Variants in PRKCA observed in about 807,000 individuals in gnomAD.
The protein encoded by PRKCA is protein kinase C alpha type.
Under a neutral mutation model 87.0 loss-of-function variants are expected in PRKCA, and 27 were observed. That is an observed-to-expected ratio of 0.31 (90% CI 0.23 to 0.43). PRKCA has a LOEUF of 0.43. Ranked by LOEUF, PRKCA falls within the 20% of genes least tolerant of loss-of-function variation. The probability of loss-of-function intolerance (pLI) is 1.00; values close to 1 mark genes in which losing one functional copy is unlikely to be tolerated. For synonymous variants in PRKCA, 329 were observed against 311.1 expected (o/e 1.06, Z -0.61); for missense variants, 518 against 852.3 (o/e 0.61, Z 4.88).
chr17:66,571,412 A>T (rs1969075010), intron 3 of PRKCA, among the ~76,000 whole-genome samples: 1 of 152,206 alleles, frequency 6.6e-6, no homozygotes, highest in Non-Finnish European at 1.5e-5. Context: ...CCTTTTAACA[A>T]ATTACAACAT....
chr17:66,707,635 A>T (rs1307455422), intron 8 of PRKCA, among the ~76,000 whole-genome samples: 1 of 152,186 alleles, frequency 6.6e-6, no homozygotes, highest in Non-Finnish European at 1.5e-5. Context: ...TAACTGGTGG[A>T]TGCTGCATCT....
intron 2 of PRKCA, among the ~76,000 whole-genome samples, chr17:66,458,842 C>T (rs7221805): frequency 0.36 from 55,274 of 152,034 alleles, 10,452 homozygotes; most frequent in Middle Eastern, 0.47. Context: ...GGTTACCGAC[C>T]TTCCCAGTAC....
intron 5 of PRKCA, among the ~76,000 whole-genome samples, chr17:66,684,238 A>C (rs1325150042): frequency 6.6e-6 from 1 of 152,208 alleles, no homozygotes; most frequent in East Asian, 1.9e-4. Context: ...GCTCTCACCG[A>C]GTGCCTATCA....
intron 2 of PRKCA, among the ~76,000 whole-genome samples, chr17:66,368,968 G>C (rs1366436218): frequency 1.3e-5 from 2 of 152,128 alleles, no homozygotes; most frequent in Non-Finnish European, 2.9e-5. Flanking sequence ...CGTGAGGGGG[G>C]TTGACTCCAT....
At position 66,302,917 on chromosome 17, in the gene PRKCA, C is replaced by G. The variant is rs1904589351; in HGVS notation, c.66C>G (p.Arg22=). ...ASQDVANRFA[R]KGALRQKNVH... ...AGGACGTGGCCAACCGCTTCGCCCG[C>G]AAAGGGGCGCTGAGGCAGAAGAACG... The change falls in exon 1 of 17, where the codon CGC becomes CGG. Residue 22 remains arginine (R), a synonymous_variant. Transcript: ENST00000413366. The G allele has an allele frequency of 1.9e-6, 3 of 1,612,532 alleles. No homozygotes were observed. The highest frequency in any genetic ancestry group is 1.7e-6 in the Non-Finnish European group (2 of 1,179,260).
At chr17:66,304,877 A>AAAG (rs1485649297) in intron 1 of PRKCA, among the ~76,000 whole-genome samples, 8 of 9,686 alleles carry the variant, frequency 8.3e-4, no homozygotes, top group Non-Finnish European at 1.5e-3. Flanking sequence ...CATTTGGTTA[A>AAAG]GAGGAGGTCA....
rs11659097 is a variant in PRKCA at position 66,794,651 on chromosome 17, C to T, written c.1854+5672C>T. Among the ~76,000 whole-genome samples the T allele has an allele frequency of 1.4e-3, 179 of 130,678 alleles. 2 individuals are homozygous for T. The highest frequency in any genetic ancestry group is 2.4e-3 in the Non-Finnish European group (151 of 62,412). 85.7% of individuals were successfully genotyped at this position (130,678 alleles called of 152,430 possible). ...TTTTTTTTTTTTTGAGACGGAGTTT[C>T]GCTCTATCACCCAGGCTGGAGTGCA... On this transcript the variant is annotated intron_variant, in intron 16 of 16. Coordinates refer to ENST00000413366, the MANE Select transcript of PRKCA (RefSeq NM_002737.3).
chr17:66,428,979 T>A (rs746280128), intron 2 of PRKCA, among the ~76,000 whole-genome samples: 11 of 152,178 alleles, frequency 7.2e-5, no homozygotes, highest in Non-Finnish European at 1.6e-4. Context: ...TTAGGTAAAG[T>A]TTGAGATAAA....
intron 2 of PRKCA, among the ~76,000 whole-genome samples, chr17:66,406,585 G>GTTGTTTTTTTTTTTTTTT (rs1911399994): frequency 2.8e-5 from 2 of 70,180 alleles, no homozygotes; most frequent in Non-Finnish European, 5.5e-5. Context: ...GCTTTTCCAG[G>GTTGTTTTTTTTTTTTTTT]TTTTTTTTTT....
intron 2 of PRKCA, among the ~76,000 whole-genome samples, chr17:66,312,959 G>A (rs1414560181): frequency 6.6e-6 from 1 of 151,866 alleles, no homozygotes; most frequent in African/African-American, 2.4e-5. Flanking sequence ...GGCTAGTCTC[G>A]AACTCCTGAC....
Position 66,303,043 on chromosome 17 carries a change from A to C in PRKCA, c.173+19A>C, listed in dbSNP as rs764422495. 1.3e-6 allele frequency: 2 copies of C among 1,588,670 alleles called. No homozygotes were observed. The highest frequency in any genetic ancestry group is 1.7e-6 in the Non-Finnish European group (2 of 1,168,446). On this transcript the variant is annotated intron_variant, in intron 1 of 16. Coordinates refer to ENST00000413366, the MANE Select transcript of PRKCA (RefSeq NM_002737.3). ...TCATCTGGTAGGTGCCGGGCCGGGC[A>C]CTCCTGCCCCGCTCCTCCCCGCCTC...
At chr17:66,749,254 C>T (rs2144258347) in intron 13 of PRKCA, among the ~76,000 whole-genome samples, 1 of 151,986 alleles carries the variant, frequency 6.6e-6, no homozygotes, top group Non-Finnish European at 1.5e-5. Flanking sequence ...GCACCTGCCT[C>T]CCCGCCCCAT....
intron 3 of PRKCA, among the ~76,000 whole-genome samples, chr17:66,621,449 A>G (rs925357068): frequency 6.6e-6 from 1 of 152,194 alleles, no homozygotes; most frequent in South Asian, 2.1e-4. Context: ...TAAGTTTACT[A>G]TTGTGAAACC....
intron 8 of PRKCA, among the ~76,000 whole-genome samples, chr17:66,708,253 T>C (rs2144116726): frequency 6.6e-6 from 1 of 152,358 alleles, no homozygotes; most frequent in African/African-American, 2.4e-5. Context: ...TTGGCACTAG[T>C]GCAGCTTCCT....
chr17:66,792,558 G>A lies in PRKCA; in HGVS notation c.1854+3579G>A, dbSNP rs548101152. 6.6e-5 allele frequency among the ~76,000 whole-genome samples: 10 copies of A among 152,274 alleles called. No homozygotes were observed. The highest frequency in any genetic ancestry group is 2.0e-4 in the Admixed American group (3 of 15,302). On this transcript the variant is annotated intron_variant, in intron 16 of 16. Transcript: ENST00000413366. This position sits in a 1 kb window ranked among gnomAD's most constrained non-coding sequence, Gnocchi z 4.5. ...CTTGACTGAAGTTAACCTTTAGACC[G>A]CAGTGCCATGCAAAATGCGATCCCA... is the stretch of plus-strand genomic sequence containing the variant.
chr17:66,773,809 T>C (rs546000297), intron 13 of PRKCA, among the ~76,000 whole-genome samples, 178 bp from the exon 14 acceptor site: 2 of 152,184 alleles, frequency 1.3e-5, no homozygotes, highest in East Asian at 3.9e-4. Context: ...CACGGGGTGA[T>C]AGTTCTCCGT....
chr17:66,563,779 G>T (rs1201725181), intron 3 of PRKCA, among the ~76,000 whole-genome samples: 1 of 152,180 alleles, frequency 6.6e-6, no homozygotes, highest in Non-Finnish European at 1.5e-5. Context: ...AAATGCGGCT[G>T]GTCCAAATGG....
chr17:66,693,187 C>T (rs1256661159), intron 8 of PRKCA, among the ~76,000 whole-genome samples: 1 of 152,174 alleles, frequency 6.6e-6, no homozygotes, highest in Non-Finnish European at 1.5e-5. Context: ...AAGGAATATT[C>T]CAGGGTGGCT....
chr17:66,472,982 A>G (rs1016880113), intron 2 of PRKCA, among the ~76,000 whole-genome samples: 1 of 152,170 alleles, frequency 6.6e-6, no homozygotes, highest in African/African-American at 2.4e-5. Context: ...AGAGAAATTT[A>G]GAGCATCATC....
Sources: allele counts gnomAD v4.1 joint callset (sites outside exome capture counted in the v4.1 genomes callset), GRCh38; gene constraint gnomAD v4.1.1; non-coding constraint Gnocchi (gnomAD v3.1); transcripts MANE v1.5; gene names NCBI Gene and HGNC (gene_info 2026-07-23, HGNC 2026-07-21).